The following NKAIN3 variants were observed in gnomAD, a reference collection of about 807,000 sequenced individuals.
NKAIN3 encodes the protein sodium/potassium transporting ATPase interacting 3.
A neutral mutation model predicts 30.2 loss-of-function variants in NKAIN3; 25 were observed. The ratio of observed to expected loss-of-function variants is 0.83; its 90% CI spans 0.60 to 1.16. The LOEUF (loss-of-function observed/expected upper bound fraction) is 1.16, where lower values mean the gene tolerates loss of function less well. Among genes scored for constraint, NKAIN3 ranks in the 50% most tolerant of loss-of-function variants. NKAIN3 has a pLI of 0.00. For synonymous variants in NKAIN3, 91 were observed against 89.6 expected (o/e 1.02, Z -0.09); for missense variants, 225 against 254.1 (o/e 0.89, Z 0.78).
intron 4 of NKAIN3, among the ~76,000 whole-genome samples, chr8:62,834,024 A>T (rs547339672): frequency 6.6e-6 from 1 of 152,270 alleles, no homozygotes; most frequent in Non-Finnish European, 1.5e-5. Context: ...GGTTCAACAT[A>T]TGCAAGTCAG....
intron 1 of NKAIN3, among the ~76,000 whole-genome samples, chr8:62,282,185 C>T (rs1049163637): frequency 6.6e-6 from 1 of 152,066 alleles, no homozygotes; most frequent in African/African-American, 2.4e-5. Context: ...CAATAGAAAA[C>T]CCACTCGGGA....
chr8:62,460,148 C>T (rs1015972347), intron 1 of NKAIN3, among the ~76,000 whole-genome samples: 1 of 150,932 alleles, frequency 6.6e-6, no homozygotes, highest in African/African-American at 2.4e-5. Context: ...TGTGGTGGCT[C>T]ATGCCTACAA....
At chr8:62,803,401 T>G (rs1032068282) in intron 4 of NKAIN3, among the ~76,000 whole-genome samples, 8 of 152,056 alleles carry the variant, frequency 5.3e-5, no homozygotes, top group African/African-American at 1.4e-4. Flanking sequence ...AAACAGATAT[T>G]ATAACAAACT....
chr8:62,775,640 T>A lies in NKAIN3; in HGVS notation c.471+28511T>A, dbSNP rs183751762. 2.2e-3 allele frequency among the ~76,000 whole-genome samples: 331 copies of A among 152,214 alleles called. 3 individuals carry two copies. Among genetic ancestry groups the A allele is most frequent in the African/African-American group, 5.0e-3 (207 of 41,564 alleles). On this transcript the variant is annotated intron_variant, in intron 4 of 6. Coordinates refer to ENST00000623646, the MANE Select transcript of NKAIN3 (RefSeq NM_001304533.3). ...TTGATTCAAGAATTTAAATTTTTTT[T>A]AATTTTCTTTATTGACCCACTGGTC... is the stretch of plus-strand genomic sequence containing the variant.
At chr8:62,427,623 T>A (rs2129597236) in intron 1 of NKAIN3, among the ~76,000 whole-genome samples, 1 of 152,122 alleles carries the variant, frequency 6.6e-6, no homozygotes, top group African/African-American at 2.4e-5. Context: ...CTTGCTACCT[T>A]AGGTTCTTCC....
intron 1 of NKAIN3, among the ~76,000 whole-genome samples, chr8:62,435,705 TATATG>T (rs1805150363): frequency 6.6e-6 from 1 of 152,196 alleles, no homozygotes; most frequent in Non-Finnish European, 1.5e-5. Flanking sequence ...TATGAAGTGA[TATATG>T]TTCTTTGGAA....
In NKAIN3 at chr8:62,392,678, CCTGTGTTGATTAG is replaced by C. The variant is rs1469456265; in HGVS notation, c.54+143556_54+143568del. ...TAGATATAGTATGAAAAAAAGAAAACCTGTGTTGATTAGCTGTCAAAGTGTTGCATCTGTTTGT... is the reference window on the plus strand; with the variant it reads ...TAGATATAGTATGAAAAAAAGAAAACCTGTCAAAGTGTTGCATCTGTTTGT... On this transcript the variant is annotated intron_variant, in intron 1 of 6. Transcript: ENST00000623646. Among the ~76,000 whole-genome samples the C allele has an allele frequency of 2.0e-5, 3 of 151,798 alleles. No homozygotes were observed. The East Asian group carries it at 5.8e-4, about 29-fold the overall frequency.
intron 3 of NKAIN3, among the ~76,000 whole-genome samples, chr8:62,596,102 T>C (rs374084351): frequency 1.3e-5 from 2 of 152,180 alleles, no homozygotes; most frequent in Admixed American, 6.5e-5. Context: ...GTACTATCAA[T>C]GCCTAAGTGA....
intron 1 of NKAIN3, among the ~76,000 whole-genome samples, chr8:62,487,139 C>T (rs1002264690): frequency 1.3e-5 from 2 of 152,134 alleles, no homozygotes; most frequent in African/African-American, 4.8e-5. Flanking sequence ...CACAAAGGTG[C>T]TAATTTTTCT....
intron 6 of NKAIN3, among the ~76,000 whole-genome samples, chr8:62,957,557 T>C (rs770521680): frequency 6.6e-6 from 1 of 152,194 alleles, no homozygotes; most frequent in Non-Finnish European, 1.5e-5. Flanking sequence ...AAATGAGCTA[T>C]GGCATCATGA....
intron 1 of NKAIN3, chr8:62,482,867 T>C (rs933713512): frequency 2.0e-5 from 3 of 152,314 alleles, no homozygotes; most frequent in Non-Finnish European, 4.4e-5. Flanking sequence ...CATGGCTTTT[T>C]GTTGTTGTTT....
chr8:62,876,806 T>C lies in NKAIN3; in HGVS notation c.472-41647T>C, dbSNP rs185786266. 4.9e-3 allele frequency among the ~76,000 whole-genome samples: 750 copies of C among 151,790 alleles called. 8 individuals are homozygous for C. Among genetic ancestry groups the C allele is most frequent in the African/African-American group, 0.017 (721 of 41,390 alleles). On this transcript the variant is annotated intron_variant, in intron 4 of 6. Coordinates refer to ENST00000623646, the MANE Select transcript of NKAIN3 (RefSeq NM_001304533.3). ...GAGAGGGTAACAATACACCAGGGCCTATTGAGGGGTGGGGGTGAGGCAAGG... is the reference window on the plus strand; with the variant it reads ...GAGAGGGTAACAATACACCAGGGCCCATTGAGGGGTGGGGGTGAGGCAAGG...
At position 62,807,897 on chromosome 8, in the gene NKAIN3, G is replaced by C. The variant is rs1019869483; in HGVS notation, c.471+60768G>C. 5.3e-5 allele frequency among the ~76,000 whole-genome samples: 8 copies of C among 151,376 alleles called. No individual in the cohort carries two copies. The South Asian group carries it at 8.3e-4, about 16-fold the overall frequency. ...GTTTAAGGTATAAAAATGAGATTGT[G>C]ATTATGTTAAAAATAGGCTATATGT... On this transcript the variant is annotated intron_variant, in intron 4 of 6. Transcript: ENST00000623646.
In NKAIN3 at chr8:62,971,062, C is replaced by T. The variant is rs929130515; in HGVS notation, c.*5655C>T. ...ATGTGATTTCCCTAGAGACAAGGAC[C>T]GAGACTCCTCTCATTGCTTCATCCT... On this transcript the variant is annotated 3_prime_UTR_variant, in exon 7 of 7. Coordinates refer to ENST00000623646, the MANE Select transcript of NKAIN3 (RefSeq NM_001304533.3). 4.0e-5 allele frequency among the ~76,000 whole-genome samples: 3 copies of T among 74,906 alleles called. No homozygotes were observed. The highest frequency in any genetic ancestry group is 6.1e-5 in the African/African-American group (1 of 16,298). The allele number at this position is 74,906 out of a possible 152,430, so 49.1% of individuals were successfully genotyped here.
At chr8:62,675,139 AC>A (rs770254889) in intron 3 of NKAIN3, among the ~76,000 whole-genome samples, 3 of 152,156 alleles carry the variant, frequency 2.0e-5, no homozygotes, top group Non-Finnish European at 4.4e-5. Context: ...TGAATATGTA[AC>A]CTACCTATCT....
intron 1 of NKAIN3, among the ~76,000 whole-genome samples, chr8:62,279,150 G>A (rs867810578): frequency 9.2e-5 from 14 of 152,240 alleles, no homozygotes; most frequent in African/African-American, 2.9e-4. Flanking sequence ...ATTTTTTCAC[G>A]TGTCTGTTGG....
chr8:62,350,539 G>A (rs1210368275), intron 1 of NKAIN3, among the ~76,000 whole-genome samples: 1 of 152,118 alleles, frequency 6.6e-6, no homozygotes, highest in East Asian at 1.9e-4. Context: ...GGGGACCAAC[G>A]GTGGTGATGG....
chr8:62,843,344 T>G (rs1271117115), intron 4 of NKAIN3, among the ~76,000 whole-genome samples: 1 of 151,456 alleles, frequency 6.6e-6, no homozygotes, highest in Admixed American at 6.6e-5. Flanking sequence ...TTTTATTTAT[T>G]TATTTTTTTT....
At chr8:62,800,728 C>T (rs187252713) in intron 4 of NKAIN3, among the ~76,000 whole-genome samples, 23 of 152,260 alleles carry the variant, frequency 1.5e-4, no homozygotes, top group Middle Eastern at 3.4e-3. Context: ...TCTGAGGTAC[C>T]GGGTTCATCT....
Sources: gnomAD v4.1 joint callset for allele counts (sites outside exome capture counted in the v4.1 genomes callset) on GRCh38, gnomAD v4.1.1 for gene constraint, MANE v1.5 for transcripts, NCBI Gene and HGNC (gene_info 2026-07-23, HGNC 2026-07-21) for gene names.